The following PABPC4L variants were observed in gnomAD, a reference collection of about 807,000 sequenced individuals.
The protein encoded by PABPC4L is polyadenylate-binding protein 4-like.
For synonymous variants in PABPC4L, 169 were observed against 164.1 expected (o/e 1.03, Z -0.23); for missense variants, 452 against 451.4 (o/e 1.00, Z -0.01).
At chr4:133,989,201 G>A in the PABPC4L span, among the ~76,000 whole-genome samples, 3 of 152,132 alleles carry the variant, frequency 2.0e-5, no homozygotes, top group Non-Finnish European at 2.9e-5. Context: ...TGTTGTTGGT[G>A]AATAACATTC....
At chr4:134,088,984 T>A in the PABPC4L span, among the ~76,000 whole-genome samples, 1 of 152,116 alleles carries the variant, frequency 6.6e-6, no homozygotes, top group Non-Finnish European at 1.5e-5. Context: ...AGAGGTGTAA[T>A]AATGTATATA....
the PABPC4L span, among the ~76,000 whole-genome samples, chr4:134,137,191 T>G: frequency 6.6e-6 from 1 of 152,124 alleles, no homozygotes; most frequent in Admixed American, 6.6e-5. Flanking sequence ...TTCCCCAGTA[T>G]ACAGACATAT....
chr4:134,002,983 G>T, the PABPC4L span, among the ~76,000 whole-genome samples: 2 of 151,802 alleles, frequency 1.3e-5, no homozygotes, highest in East Asian at 1.9e-4. Context: ...GACTATAAAA[G>T]TTCAGTAAAA....
the PABPC4L span, among the ~76,000 whole-genome samples, chr4:133,987,320 A>T: frequency 6.6e-6 from 1 of 152,158 alleles, no homozygotes; most frequent in African/African-American, 2.4e-5. Flanking sequence ...TTATTCAAAG[A>T]TGTATTAAAT....
chr4:134,195,035 T>C (rs1729617717), downstream of PABPC4L, among the ~76,000 whole-genome samples: 1 of 151,746 alleles, frequency 6.6e-6, no homozygotes, highest in Non-Finnish European at 1.5e-5. Context: ...CTTTTGCCAA[T>C]TGCAATCTAT....
At chr4:134,158,392 C>A in the PABPC4L span, among the ~76,000 whole-genome samples, 1 of 151,934 alleles carries the variant, frequency 6.6e-6, no homozygotes, top group Non-Finnish European at 1.5e-5. Context: ...TTTTTATATT[C>A]TACAGATAAT....
the PABPC4L span, among the ~76,000 whole-genome samples, chr4:134,052,374 C>T: frequency 6.6e-6 from 1 of 151,850 alleles, no homozygotes; most frequent in East Asian, 1.9e-4. Flanking sequence ...ATTTTTATTT[C>T]CTCTCTCATA....
At chr4:134,068,048 T>G in the PABPC4L span, among the ~76,000 whole-genome samples, 1 of 152,132 alleles carries the variant, frequency 6.6e-6, no homozygotes, top group Non-Finnish European at 1.5e-5. Context: ...TTTGGTCAAG[T>G]GTTGAGATCA....
the PABPC4L span, among the ~76,000 whole-genome samples, chr4:134,100,075 G>A: frequency 6.6e-6 from 1 of 151,614 alleles, no homozygotes; most frequent in Non-Finnish European, 1.5e-5. Context: ...ATCAGCAGCG[G>A]CAAACTCGCT....
At chr4:134,087,386 C>A in the PABPC4L span, among the ~76,000 whole-genome samples, 1 of 152,098 alleles carries the variant, frequency 6.6e-6, no homozygotes, top group Admixed American at 6.6e-5. Flanking sequence ...GTATTTGACT[C>A]CTTTGGTCAC....
At chr4:133,993,030 T>A in the PABPC4L span, among the ~76,000 whole-genome samples, 1 of 152,110 alleles carries the variant, frequency 6.6e-6, no homozygotes, top group East Asian at 1.9e-4. Context: ...CATAAGCATA[T>A]CCTCTTTCCC....
the PABPC4L span, among the ~76,000 whole-genome samples, chr4:133,962,943 G>T: frequency 6.6e-6 from 1 of 151,736 alleles, no homozygotes; most frequent in Non-Finnish European, 1.5e-5. Context: ...AAAAAACCAA[G>T]ATATACAGGC....
At chr4:134,183,600 C>T in the PABPC4L span, among the ~76,000 whole-genome samples, 1 of 151,650 alleles carries the variant, frequency 6.6e-6, no homozygotes, top group African/African-American at 2.4e-5. Flanking sequence ...ACATGCACAC[C>T]TGGAAGTTAC....
At chr4:134,010,519 A>G in the PABPC4L span, 3 of 152,182 alleles carry the variant, frequency 2.0e-5, no homozygotes, top group African/African-American at 7.2e-5. Context: ...TTAAAATAAT[A>G]AAAGCTTATT....
the PABPC4L span, among the ~76,000 whole-genome samples, chr4:134,155,341 T>C: frequency 0.67 from 101,757 of 151,214 alleles, 35,201 homozygotes; most frequent in East Asian, 1. Flanking sequence ...TATTTTCCTA[T>C]TCCTTCTTTC....
chr4:134,038,687 T>C, the PABPC4L span, among the ~76,000 whole-genome samples: 1 of 152,130 alleles, frequency 6.6e-6, no homozygotes, highest in Non-Finnish European at 1.5e-5. Flanking sequence ...TCATTTTTTA[T>C]TGCATCTATT....
At chr4:134,080,157 T>C in the PABPC4L span, among the ~76,000 whole-genome samples, 6 of 152,116 alleles carry the variant, frequency 3.9e-5, no homozygotes, top group African/African-American at 1.4e-4. Flanking sequence ...GAAAAATATC[T>C]TTGTCCTTAA....
At chr4:134,128,840 C>T in the PABPC4L span, among the ~76,000 whole-genome samples, 59 of 152,140 alleles carry the variant, frequency 3.9e-4, 2 homozygotes, top group South Asian at 7.7e-3. Context: ...CATTGTTGAA[C>T]GTAAATGGCC....
At chr4:134,106,838 G>C in the PABPC4L span, among the ~76,000 whole-genome samples, 1 of 151,362 alleles carries the variant, frequency 6.6e-6, no homozygotes, top group African/African-American at 2.4e-5. Flanking sequence ...GTAGGAGGTT[G>C]CATCCTTTCT....
Sources: allele counts gnomAD v4.1 joint callset (sites outside exome capture counted in the v4.1 genomes callset), GRCh38; gene constraint gnomAD v4.1.1; transcripts MANE v1.5; gene names NCBI Gene and HGNC (gene_info 2026-07-23, HGNC 2026-07-21).